DPP6: variants seen among roughly 807,000 people sequenced by gnomAD.
The protein encoded by DPP6 is dipeptidyl peptidase like 6.
A neutral mutation model predicts 122.6 loss-of-function variants in DPP6; 69 were observed. That is an observed-to-expected ratio of 0.56 (90% confidence interval 0.46 to 0.69). The LOEUF (loss-of-function observed/expected upper bound fraction) is 0.69, where lower values mean the gene tolerates loss of function less well. DPP6 is among the 30% of genes least tolerant of loss of function. The pLI is 0.00. For missense variants in DPP6, 928 were observed against 1,116.9 expected, an observed-to-expected ratio of 0.83 and a Z score of 2.41; for synonymous variants, 418 against 433.1, an observed-to-expected ratio of 0.97 and a Z score of 0.43.
At chr7:154,609,982 A>G (rs1226535622) in intron 5 of DPP6, among the ~76,000 whole-genome samples, 1 of 152,230 alleles carries the variant, frequency 6.6e-6, no homozygotes, top group African/African-American at 2.4e-5. Context: ...ACATATAACC[A>G]TACAAAACTA....
At chr7:153,820,443 C>T in the DPP6 span, among the ~76,000 whole-genome samples, 1 of 152,156 alleles carries the variant, frequency 6.6e-6, no homozygotes, top group Non-Finnish European at 1.5e-5. Flanking sequence ...TTAGCAGAGG[C>T]CTTCAGAATG....
chr7:154,004,725 A>G (rs1242286050), intron 1 of DPP6, among the ~76,000 whole-genome samples: 2 of 151,868 alleles, frequency 1.3e-5, no homozygotes, highest in Admixed American at 1.3e-4. Context: ...ACGTCCCTAT[A>G]ACATTATGTG....
chr7:153,778,830 T>C, the DPP6 span, among the ~76,000 whole-genome samples: 1 of 150,478 alleles, frequency 6.6e-6, no homozygotes, highest in African/African-American at 2.5e-5. Context: ...ATTCTATTCC[T>C]GAGTATTTAC....
chr7:154,429,293 C>T (rs1324138979), intron 1 of DPP6, among the ~76,000 whole-genome samples: 2 of 152,114 alleles, frequency 1.3e-5, no homozygotes, highest in South Asian at 2.1e-4. Context: ...CAAGGCCTAA[C>T]GAATTTGCTG....
intron 1 of DPP6, among the ~76,000 whole-genome samples, chr7:153,910,879 C>G (rs1203856211): frequency 2.0e-5 from 3 of 152,190 alleles, no homozygotes; most frequent in African/African-American, 7.2e-5. Flanking sequence ...TCTCCCCTCC[C>G]TCAGGGGTCC....
At chr7:154,407,323 T>G (rs778342466) in intron 1 of DPP6, among the ~76,000 whole-genome samples, 16 of 152,240 alleles carry the variant, frequency 1.1e-4, no homozygotes, top group Non-Finnish European at 2.2e-4. Context: ...GTTCCCTTCA[T>G]GAAAATCATT....
chr7:154,143,101 C>A (rs1279008521), intron 1 of DPP6, among the ~76,000 whole-genome samples: 5 of 147,636 alleles, frequency 3.4e-5, no homozygotes, highest in Non-Finnish European at 6.0e-5. Context: ...AGTCTAATAT[C>A]AGTAGGTTTT....
At chr7:153,990,776 A>G (rs372716487) in intron 1 of DPP6, among the ~76,000 whole-genome samples, 24,412 of 150,432 alleles carry the variant, frequency 0.16, 419 homozygotes, top group African/African-American at 0.27. Flanking sequence ...ACCTGTCCAC[A>G]TTTAACATAA....
intron 8 of DPP6, among the ~76,000 whole-genome samples, chr7:154,740,129 G>A (rs1367581976): frequency 1.3e-5 from 2 of 152,194 alleles, no homozygotes; most frequent in Non-Finnish European, 1.5e-5. Flanking sequence ...ACTCCTGAGA[G>A]ATCGTGACAA....
At position 154,151,322 on chromosome 7, in the gene DPP6, G is replaced by A. The variant is rs147862526; in HGVS notation, c.243+98259G>A. On this transcript the variant is annotated intron_variant, in intron 1 of 25. Coordinates refer to ENST00000377770, the MANE Select transcript of DPP6 (RefSeq NM_130797.4). ...GCCCCTGGCTTGTCTCTGAGCTGCG[G>A]GCTTTCTGTTCCTGGACTGCCCTTC... 1.1e-3 allele frequency among the ~76,000 whole-genome samples: 161 copies of A among 152,290 alleles called. 2 individuals carry two copies. The highest frequency in any genetic ancestry group is 3.5e-3 in the African/African-American group (144 of 41,558).
chr7:153,910,402 C>T (rs1800038541), intron 1 of DPP6, among the ~76,000 whole-genome samples: 1 of 151,848 alleles, frequency 6.6e-6, no homozygotes, highest in Non-Finnish European at 1.5e-5. Context: ...TAATTTTGAC[C>T]ACTTTCTTTA....
At chr7:154,131,179 A>G (rs1253527957) in intron 1 of DPP6, among the ~76,000 whole-genome samples, 1 of 152,184 alleles carries the variant, frequency 6.6e-6, no homozygotes, top group Admixed American at 6.5e-5. Flanking sequence ...TAAGTTTGGA[A>G]AATTCTGGAT....
At chr7:153,883,311 T>C (rs964085064), upstream of DPP6, among the ~76,000 whole-genome samples, 1 of 152,194 alleles carries the variant, frequency 6.6e-6, no homozygotes, top group Admixed American at 6.5e-5. Context: ...ATACCCAAAA[T>C]TAATATAGAA....
At chr7:154,742,020 C>T (rs1448976341) in intron 8 of DPP6, among the ~76,000 whole-genome samples, 1 of 152,212 alleles carries the variant, frequency 6.6e-6, no homozygotes, top group Non-Finnish European at 1.5e-5. Flanking sequence ...TATTTCGAGC[C>T]CCTTCTGGGC....
chr7:154,196,107 T>G (rs560519727), intron 1 of DPP6, among the ~76,000 whole-genome samples: 2 of 152,248 alleles, frequency 1.3e-5, no homozygotes, highest in African/African-American at 4.8e-5. Flanking sequence ...CTCCTCTCTG[T>G]TCTGTGTTTC....
chr7:154,711,916 T>G (rs1418731964), intron 7 of DPP6, among the ~76,000 whole-genome samples: 1 of 150,934 alleles, frequency 6.6e-6, no homozygotes, highest in African/African-American at 2.5e-5. Flanking sequence ...TAAGAAATAT[T>G]AAGGGTGTAA....
chr7:154,512,524 T>G (rs925867913), intron 3 of DPP6, among the ~76,000 whole-genome samples: 1 of 152,340 alleles, frequency 6.6e-6, no homozygotes, highest in African/African-American at 2.4e-5. Context: ...AATAATGACT[T>G]AATCCTCATT....
chr7:154,689,986 T>C (rs903060005), intron 7 of DPP6, among the ~76,000 whole-genome samples: 1 of 152,184 alleles, frequency 6.6e-6, no homozygotes, highest in Non-Finnish European at 1.5e-5. Flanking sequence ...GGAATACATC[T>C]TTCGCATGTC....
intron 1 of DPP6, among the ~76,000 whole-genome samples, chr7:153,936,186 A>C (rs1000423543): frequency 2.6e-5 from 4 of 152,154 alleles, no homozygotes; most frequent in Non-Finnish European, 4.4e-5. Flanking sequence ...TCTCCTAAGA[A>C]GCTTATAAAC....
Sources: allele counts gnomAD v4.1 joint callset (sites outside exome capture counted in the v4.1 genomes callset), GRCh38; gene constraint gnomAD v4.1.1; transcripts MANE v1.5; gene names NCBI Gene and HGNC (gene_info 2026-07-23, HGNC 2026-07-21).